Variants in ASTN1 observed in about 807,000 individuals in gnomAD.
The protein encoded by ASTN1 is astrotactin 1.
In ASTN1, 41 loss-of-function variants were observed where a neutral mutation model predicts 140.7. The observed-to-expected ratio is 0.29, with a 90% CI of 0.23 to 0.38. ASTN1 has a LOEUF of 0.38. ASTN1 is among the 10% of genes least tolerant of loss of function. The pLI is 1.00. For missense variants in ASTN1, 1,479 were observed against 1,678.8 expected (o/e 0.88, Z 2.08); for synonymous variants, 640 against 652.2 (o/e 0.98, Z 0.29).
intron 1 of ASTN1, among the ~76,000 whole-genome samples, chr1:177,136,637 A>G (rs1350384901): frequency 6.6e-6 from 1 of 152,132 alleles, no homozygotes; most frequent in Non-Finnish European, 1.5e-5. Flanking sequence ...TACAGGCGTC[A>G]GCCACTGTGC....
intron 1 of ASTN1, among the ~76,000 whole-genome samples, chr1:177,072,133 T>C (rs1345777286): frequency 6.6e-6 from 1 of 152,190 alleles, no homozygotes; most frequent in Non-Finnish European, 1.5e-5. Context: ...ACCAAACCGA[T>C]GTTTATTTAC....
chr1:177,113,229 A>G (rs1372970486), intron 1 of ASTN1, among the ~76,000 whole-genome samples: 1 of 152,096 alleles, frequency 6.6e-6, no homozygotes, highest in East Asian at 1.9e-4. Flanking sequence ...CACTTGCTCC[A>G]AACCAGGCAC....
At chr1:177,038,203 C>A (rs1028862915) in intron 2 of ASTN1, among the ~76,000 whole-genome samples, 27 of 152,320 alleles carry the variant, frequency 1.8e-4, no homozygotes, top group African/African-American at 6.0e-4. Flanking sequence ...CCTTCAAAGT[C>A]AGTTCAGTGA....
intron 2 of ASTN1, among the ~76,000 whole-genome samples, chr1:177,044,750 C>G (rs1437748293): frequency 6.6e-6 from 1 of 152,234 alleles, no homozygotes; most frequent in African/African-American, 2.4e-5. Flanking sequence ...ACATCATCCG[C>G]TGGGCCAGTT....
chr1:177,041,517 T>A (rs1383126043), intron 2 of ASTN1, among the ~76,000 whole-genome samples: 1 of 152,164 alleles, frequency 6.6e-6, no homozygotes, highest in Non-Finnish European at 1.5e-5. Context: ...CACCAGCCCT[T>A]CAAAACTTCA....
chr1:177,050,363 C>T (rs571469288), intron 2 of ASTN1, among the ~76,000 whole-genome samples: 48 of 152,226 alleles, frequency 3.2e-4, no homozygotes, highest in African/African-American at 1.2e-3. Flanking sequence ...GAGCCAAAGC[C>T]CAGCAGGCCC....
In ASTN1 at chr1:176,984,216, C is replaced by G. The variant is rs188988456; in HGVS notation, c.1524-18979G>C. Among the ~76,000 whole-genome samples, 41 of 152,300 alleles carry G rather than the reference C, an allele frequency of 2.7e-4. 1 individual carries two copies. Among genetic ancestry groups the G allele is most frequent in the African/African-American group, 9.1e-4 (38 of 41,574 alleles). The stretch of plus-strand genomic sequence containing the variant: ...ACACCGCTGGTGCAGCAGGCAGCAA[C>G]AAAACGCTGAGGTTCAGTAATTGTT... On this transcript the variant is annotated intron_variant, in intron 8 of 22. Transcript: ENST00000361833.
intron 1 of ASTN1, among the ~76,000 whole-genome samples, chr1:177,069,133 G>C (rs1678507785): frequency 6.6e-6 from 1 of 152,134 alleles, no homozygotes; most frequent in African/African-American, 2.4e-5. Flanking sequence ...AAGGTAAGGA[G>C]TGGCTGTATT....
intron 1 of ASTN1, among the ~76,000 whole-genome samples, chr1:177,083,129 A>C (rs1021516490): frequency 6.6e-6 from 1 of 152,030 alleles, no homozygotes; most frequent in Non-Finnish European, 1.5e-5. Context: ...ATTTTATTAC[A>C]TTTGTACCGA....
chr1:177,059,052 T>C (rs894284714), intron 2 of ASTN1, among the ~76,000 whole-genome samples: 3 of 152,210 alleles, frequency 2.0e-5, no homozygotes, highest in African/African-American at 7.2e-5. Context: ...TTTAGGGTCC[T>C]TCTTTAAAAT....
chr1:177,030,659 A>C, intron 4 of ASTN1, 147 bp downstream of exon 4: 1 of 1,061,364 alleles, frequency 9.4e-7, no homozygotes, highest in African/African-American at 1.6e-5. Context: ...TTTTTTGGTA[A>C]GTAGCATTTA....
At chr1:176,941,456 G>A (rs532458142) in intron 14 of ASTN1, among the ~76,000 whole-genome samples, 6 of 152,234 alleles carry the variant, frequency 3.9e-5, no homozygotes, top group Admixed American at 2.0e-4. Flanking sequence ...TGACTGCCTC[G>A]GGATCATCAA....
chr1:176,977,665 C>A (rs1050315166), intron 8 of ASTN1, among the ~76,000 whole-genome samples: 7 of 152,132 alleles, frequency 4.6e-5, no homozygotes, highest in Non-Finnish European at 8.8e-5. Context: ...TCACTTAATT[C>A]TCATAAGACC....
At chr1:177,117,440 G>A (rs772973259) in intron 1 of ASTN1, among the ~76,000 whole-genome samples, 4 of 152,046 alleles carry the variant, frequency 2.6e-5, no homozygotes, top group African/African-American at 9.7e-5. Context: ...GATATTTACC[G>A]AGAATCTACT....
rs1018070986 is a variant in ASTN1 at position 176,893,908 on chromosome 1, T to C, written c.2940+654A>G. Among the ~76,000 whole-genome samples the C allele has an allele frequency of 4.6e-5, 7 of 152,220 alleles. No individual in the cohort carries two copies. The South Asian group carries it at 1.4e-3, about 32-fold the overall frequency. ...GACACAGTTCTCCAGCCCTTCTTTT[T>C]GGTTCCATCCATTTTCTCCTGGCAT... On this transcript the variant is annotated intron_variant, in intron 17 of 22. Transcript: ENST00000361833.
At chr1:177,027,035 C>G (rs1273491433) in intron 5 of ASTN1, among the ~76,000 whole-genome samples, 1 of 152,160 alleles carries the variant, frequency 6.6e-6, no homozygotes, top group Admixed American at 6.5e-5. Flanking sequence ...CAAACCTGCA[C>G]CCTAAGCTCT....
At position 177,114,828 on chromosome 1, in the gene ASTN1, T is replaced by C. The variant is rs772705563; in HGVS notation, c.283+49566A>G. Among the ~76,000 whole-genome samples, 104 of 152,320 alleles carry C rather than the reference T, an allele frequency of 6.8e-4. 1 individual carries two copies. Among genetic ancestry groups the C allele is most frequent in the Non-Finnish European group, 1.3e-3 (90 of 68,024 alleles). On this transcript the variant is annotated intron_variant, in intron 1 of 22. Coordinates refer to ENST00000361833, the MANE Select transcript of ASTN1 (RefSeq NM_004319.3). Reference sequence around the variant, plus strand: ...ATTTTGGTGGCCACAGTCAAAACTCTCCTTTTGCCTTTCCTCTGGTTCCTG... The same window carrying C: ...ATTTTGGTGGCCACAGTCAAAACTCCCCTTTTGCCTTTCCTCTGGTTCCTG...
intron 1 of ASTN1, among the ~76,000 whole-genome samples, chr1:177,099,280 T>C (rs978042030): frequency 6.6e-6 from 1 of 152,162 alleles, no homozygotes; most frequent in Non-Finnish European, 1.5e-5. Context: ...GAAAACAGGC[T>C]GGCAAAAACA....
intron 16 of ASTN1, 66 bp downstream of exon 16, chr1:176,934,086 T>C (rs1557970842): frequency 1.4e-6 from 2 of 1,471,678 alleles, no homozygotes; most frequent in South Asian, 1.4e-5. Flanking sequence ...ATGGGTCTTA[T>C]AGATTGTATG....
Sources: gnomAD v4.1 joint callset for allele counts (sites outside exome capture counted in the v4.1 genomes callset) on GRCh38, gnomAD v4.1.1 for gene constraint, MANE v1.5 for transcripts, NCBI Gene and HGNC (gene_info 2026-07-23, HGNC 2026-07-21) for gene names.